The following CDC42BPA variants were observed in gnomAD, a reference collection of about 807,000 sequenced individuals.
CDC42BPA encodes the protein serine/threonine-protein kinase MRCK alpha.
Under a neutral mutation model 223.5 loss-of-function variants are expected in CDC42BPA, and 80 were observed. The ratio of observed to expected loss-of-function variants is 0.36; its 90% CI spans 0.30 to 0.43. The LOEUF is 0.43. CDC42BPA is among the 20% of genes least tolerant of loss of function. The pLI is 1.00. For synonymous variants in CDC42BPA, 694 were observed against 718.6 expected, an observed-to-expected ratio of 0.97 and a Z score of 0.55; for missense variants, 1,743 against 2,099.9, an observed-to-expected ratio of 0.83 and a Z score of 3.32.
rs34787332 is a variant in CDC42BPA, at chr1:227,230,816, C to CTTTTTTT, written c.271-17598_271-17597insAAAAAAA. 1.1e-3 allele frequency among the ~76,000 whole-genome samples: 58 copies of CTTTTTTT among 54,052 alleles called. 2 individuals are homozygous for CTTTTTTT. Among genetic ancestry groups the CTTTTTTT allele is most frequent in the Middle Eastern group, 0.014 (1 of 70 alleles). 35.5% of individuals were successfully genotyped at this position (54,052 alleles called of 152,430 possible). ...ACTGATTTCTATTTCTTTTTTCTTT[C>CTTTTTTT]TTTCTTTTTTTTTTTTTTTTTTTGA... On this transcript the variant is annotated intron_variant, in intron 2 of 36. Transcript: ENST00000366766.
At chr1:227,250,890 A>C (rs930155488) in intron 2 of CDC42BPA, among the ~76,000 whole-genome samples, 1 of 152,044 alleles carries the variant, frequency 6.6e-6, no homozygotes, top group Non-Finnish European at 1.5e-5. Flanking sequence ...CGTCACTACA[A>C]GAAAATTTAC....
chr1:227,245,313 G>T (rs764326851), intron 2 of CDC42BPA, among the ~76,000 whole-genome samples: 1 of 112,096 alleles, frequency 8.9e-6, no homozygotes, highest in Non-Finnish European at 1.8e-5. Context: ...TTTTTGAGAC[G>T]GAGTCTCACT....
At chr1:227,301,083 G>T (rs1171844194) in intron 1 of CDC42BPA, among the ~76,000 whole-genome samples, 1 of 149,272 alleles carries the variant, frequency 6.7e-6, no homozygotes, top group Non-Finnish European at 1.5e-5. Flanking sequence ...GTTCACAGAA[G>T]TATCTGTGTA....
intron 16 of CDC42BPA, among the ~76,000 whole-genome samples, chr1:227,085,902 C>A (rs1267892390): frequency 6.6e-6 from 1 of 152,138 alleles, no homozygotes; most frequent in Non-Finnish European, 1.5e-5. Context: ...TTTTAGCAAA[C>A]TTCAACAGTT....
chr1:227,060,180 C>T (rs770176581), intron 21 of CDC42BPA, among the ~76,000 whole-genome samples: 9 of 151,684 alleles, frequency 5.9e-5, no homozygotes, highest in Non-Finnish European at 1.0e-4. Flanking sequence ...TACAGGTGCC[C>T]ACCACCACGC....
chr1:227,094,325 C>A (rs75461500), intron 15 of CDC42BPA, among the ~76,000 whole-genome samples: 3 of 152,146 alleles, frequency 2.0e-5, no homozygotes, highest in Non-Finnish European at 2.9e-5. Flanking sequence ...GCTATGTGGG[C>A]TCTAAACTGA....
chr1:227,267,531 T>C (rs1465948318), intron 1 of CDC42BPA, among the ~76,000 whole-genome samples: 1 of 152,228 alleles, frequency 6.6e-6, no homozygotes, highest in Non-Finnish European at 1.5e-5. Flanking sequence ...TGAATATCTA[T>C]ACCCATCAGA....
intron 16 of CDC42BPA, among the ~76,000 whole-genome samples, chr1:227,086,344 G>A (rs1681888285): frequency 6.6e-6 from 1 of 152,178 alleles, no homozygotes; most frequent in African/African-American, 2.4e-5. Context: ...CAGTAAATAG[G>A]AGAATTGCCA....
intron 15 of CDC42BPA, among the ~76,000 whole-genome samples, chr1:227,099,580 T>TACA (rs1684626653): frequency 1.3e-5 from 2 of 152,258 alleles, no homozygotes; most frequent in South Asian, 4.2e-4. Flanking sequence ...AAATATGACT[T>TACA]ACAAGGCTTT....
At chr1:227,030,871 A>G (rs1558325668) in intron 28 of CDC42BPA, among the ~76,000 whole-genome samples, 8 of 152,218 alleles carry the variant, frequency 5.3e-5, no homozygotes, top group Admixed American at 2.0e-4. Flanking sequence ...AAACCTCCAG[A>G]CACAGAAACT....
intron 1 of CDC42BPA, among the ~76,000 whole-genome samples, chr1:227,292,485 G>A (rs1689866103): frequency 6.6e-6 from 1 of 152,018 alleles, no homozygotes; most frequent in South Asian, 2.1e-4. Flanking sequence ...ACACAGAATG[G>A]CAGTAAAACT....
chr1:227,199,639 C>T lies in CDC42BPA; in HGVS notation c.368G>A (p.Arg123His), dbSNP rs1671372687. ...MLKRAETACF[R>H]EERDVLVNGD... ...ATTCACTAATACATCCCTTTCTTCACGAAAACATGCTGTCTGAAACACAAA... is the reference window on the plus strand; with the variant it reads ...ATTCACTAATACATCCCTTTCTTCATGAAAACATGCTGTCTGAAACACAAA... Residue 123 changes from arginine (R) to histidine (H), a missense_variant, in exon 4 of 37, where the codon CGT becomes CAT. Transcript: ENST00000366766. 6 of 1,599,964 alleles carry T rather than the reference C, an allele frequency of 3.8e-6. No homozygotes were observed. Among genetic ancestry groups the T allele is most frequent in the Non-Finnish European group, 5.1e-6 (6 of 1,169,632 alleles).
At chr1:227,216,971 C>G (rs2718193) in intron 2 of CDC42BPA, among the ~76,000 whole-genome samples, 91,241 of 151,994 alleles carry the variant, frequency 0.6, 27,773 homozygotes, top group East Asian at 0.73. Context: ...TTCTTAAACA[C>G]AATGTATTAT....
At chr1:227,176,626 G>A (rs1310274181) in intron 5 of CDC42BPA, among the ~76,000 whole-genome samples, 1 of 151,734 alleles carries the variant, frequency 6.6e-6, no homozygotes, top group Non-Finnish European at 1.5e-5. Context: ...ACTATTTAAT[G>A]AGCAATACCA....
At chr1:227,104,816 A>G (rs1685631046) in intron 14 of CDC42BPA, among the ~76,000 whole-genome samples, 1 of 152,102 alleles carries the variant, frequency 6.6e-6, no homozygotes, top group African/African-American at 2.4e-5. Context: ...GCAATACCAA[A>G]GACTGTCAGC....
intron 31 of CDC42BPA, among the ~76,000 whole-genome samples, chr1:227,024,162 A>C (rs1667844355): frequency 6.6e-6 from 1 of 152,222 alleles, no homozygotes; most frequent in African/African-American, 2.4e-5. Flanking sequence ...AAAATGAGCA[A>C]AAAGCATGAC....
rs1029284946 is a variant in CDC42BPA, at chr1:227,165,050, G to A, written c.600-4414C>T. The stretch of plus-strand genomic sequence containing the variant: ...AGCATTAATTAAACATTTACAGCAT[G>A]CAACAGCACTGAATTAAATGCAATA... On this transcript the variant is annotated intron_variant, in intron 5 of 36. Coordinates refer to ENST00000366766, the MANE Select transcript of CDC42BPA (RefSeq NM_001394014.1). Among the ~76,000 whole-genome samples the A allele has an allele frequency of 7.5e-5, 6 of 79,488 alleles. No individual in the cohort carries two copies. In the East Asian group the frequency reaches 2.0e-3, roughly 26 times the overall value. The allele number at this position is 79,488 out of a possible 152,430, so 52.1% of individuals were successfully genotyped here. A position where few individuals can be genotyped will look rare whatever the true frequency, so the allele number is the denominator to read the frequency against.
chr1:227,089,461 C>T (rs897065786), intron 16 of CDC42BPA, among the ~76,000 whole-genome samples: 1 of 152,118 alleles, frequency 6.6e-6, no homozygotes, highest in Non-Finnish European at 1.5e-5. Flanking sequence ...AGAAACAGAG[C>T]AGAGGTTCAA....
chr1:227,071,186 C>T (rs1433093593), intron 20 of CDC42BPA, among the ~76,000 whole-genome samples: 1 of 151,764 alleles, frequency 6.6e-6, no homozygotes. Flanking sequence ...TTCTTGTTAG[C>T]TTCTTTATGT....
Sources: gnomAD v4.1 joint callset for allele counts (sites outside exome capture counted in the v4.1 genomes callset) on GRCh38, gnomAD v4.1.1 for gene constraint, MANE v1.5 for transcripts, NCBI Gene and HGNC (gene_info 2026-07-23, HGNC 2026-07-21) for gene names.